The following CACNG2 variants were observed in gnomAD, a reference collection of about 807,000 sequenced individuals.
CACNG2 encodes the protein voltage-dependent calcium channel gamma-2 subunit.
In CACNG2, 3 loss-of-function variants were observed where a neutral mutation model predicts 25.9. The ratio of observed to expected loss-of-function variants is 0.12; its 90% CI spans 0.05 to 0.30. CACNG2 has a LOEUF of 0.30. Among genes scored for constraint, CACNG2 ranks in the 10% least tolerant of loss-of-function variants. The pLI, the probability that CACNG2 is intolerant of heterozygous loss-of-function variation, is 1.00. For synonymous variants in CACNG2, 167 were observed against 173.3 expected (o/e 0.96, Z 0.29); for missense variants, 341 against 432.5 (o/e 0.79, Z 1.88).
intron 1 of CACNG2, among the ~76,000 whole-genome samples, chr22:36,660,493 G>C (rs1182396670): frequency 6.6e-6 from 1 of 152,228 alleles, no homozygotes; most frequent in African/African-American, 2.4e-5. Context: ...AAATCACAAG[G>C]CAACTCCACG....
chr22:36,624,894 G>A (rs1936160979), intron 1 of CACNG2, among the ~76,000 whole-genome samples: 1 of 151,938 alleles, frequency 6.6e-6, no homozygotes, highest in South Asian at 2.1e-4. Flanking sequence ...TGGGTGTGGT[G>A]GCATGTGCCT....
rs1937426113 is a variant in CACNG2, at chr22:36,702,713, T to A, written c.-137A>T. Reference sequence around the variant, plus strand: ...CTAATATAATGGATATATGTATGAATAGAGAATATGGAGAGTTATAAAAAA... The same window carrying A: ...CTAATATAATGGATATATGTATGAAAAGAGAATATGGAGAGTTATAAAAAA... On this transcript the variant is annotated 5_prime_UTR_variant, in exon 1 of 4. Coordinates refer to ENST00000300105, the MANE Select transcript of CACNG2 (RefSeq NM_006078.5). 1 of 672,906 alleles carries A rather than the reference T, an allele frequency of 1.5e-6. No homozygotes were observed. The highest frequency in any genetic ancestry group is 2.6e-6 in the Non-Finnish European group (1 of 381,982). The allele number at this position is 672,906 out of a possible 1,614,324, so 41.7% of individuals were successfully genotyped here.
At chr22:36,590,989 G>A (rs185184560) in intron 1 of CACNG2, among the ~76,000 whole-genome samples, 201 of 152,130 alleles carry the variant, frequency 1.3e-3, no homozygotes, top group Non-Finnish European at 2.6e-3. Context: ...GTGCTACTGG[G>A]GTGTCCTCCA....
In CACNG2 at chr22:36,619,988, G is replaced by A. The variant is rs182874975; in HGVS notation, c.212-32440C>T. On this transcript the variant is annotated intron_variant, in intron 1 of 3. Transcript: ENST00000300105. ...ACTCCAGCACTGAAATGGCACAGCC[G>A]TGCTGGGTTGGAAGGCGCCTCTGCA... Among the ~76,000 whole-genome samples the A allele has an allele frequency of 2.6e-5, 4 of 152,348 alleles. No individual in the cohort carries two copies. The East Asian group carries it at 5.8e-4, about 22-fold the overall frequency.
At chr22:36,607,152 C>T (rs979379887) in intron 1 of CACNG2, among the ~76,000 whole-genome samples, 75 of 152,092 alleles carry the variant, frequency 4.9e-4, no homozygotes, top group African/African-American at 1.7e-3. Context: ...AAGCCATGGG[C>T]CCAGATTCCT....
intron 1 of CACNG2, among the ~76,000 whole-genome samples, chr22:36,642,260 A>C (rs1431699429): frequency 6.6e-6 from 1 of 152,180 alleles, no homozygotes; most frequent in African/African-American, 2.4e-5. Flanking sequence ...CATAGTAAGC[A>C]CTCAATAAAT....
intron 1 of CACNG2, among the ~76,000 whole-genome samples, chr22:36,649,424 T>C (rs368957705): frequency 1.3e-5 from 2 of 151,816 alleles, no homozygotes; most frequent in East Asian, 3.9e-4. Flanking sequence ...CCCGAGTAGC[T>C]GGGATTACAG....
At chr22:36,646,145 T>G (rs7289627) in intron 1 of CACNG2, among the ~76,000 whole-genome samples, 3,577 of 152,332 alleles carry the variant, frequency 0.023, 129 homozygotes, top group African/African-American at 0.08. Context: ...AGCAAGCCTA[T>G]ATCTGGGAAA....
intron 1 of CACNG2, among the ~76,000 whole-genome samples, chr22:36,649,539 G>A (rs932582662): frequency 1.3e-5 from 2 of 152,120 alleles, no homozygotes; most frequent in African/African-American, 2.4e-5. Flanking sequence ...TGATTTGCCC[G>A]CCTCAGCCAG....
chr22:36,628,936 A>C (rs1936226617), intron 1 of CACNG2, among the ~76,000 whole-genome samples: 1 of 152,268 alleles, frequency 6.6e-6, no homozygotes, highest in East Asian at 1.9e-4. Flanking sequence ...CTTTCTAGGC[A>C]CTAGATTGAG....
intron 2 of CACNG2, among the ~76,000 whole-genome samples, chr22:36,578,350 T>C: frequency 1.0e-5 from 1 of 96,730 alleles, no homozygotes; most frequent in Non-Finnish European, 2.0e-5. Context: ...AGAGCGAGAC[T>C]CAATCTCAAA....
intron 1 of CACNG2, among the ~76,000 whole-genome samples, chr22:36,630,043 G>A (rs1324426228): frequency 6.6e-6 from 1 of 152,190 alleles, no homozygotes; most frequent in East Asian, 1.9e-4. Context: ...GAACAGCAAG[G>A]CTTTTAGGCA....
intron 1 of CACNG2, among the ~76,000 whole-genome samples, chr22:36,686,778 C>T (rs934908334): frequency 1.9e-4 from 29 of 152,286 alleles, no homozygotes; most frequent in African/African-American, 6.5e-4. Flanking sequence ...AAGTCCCTTC[C>T]TTTTTGGGCC....
chr22:36,679,227 TTTCC>T lies in CACNG2; in HGVS notation c.211+23135_211+23138del, dbSNP rs200816606. On this transcript the variant is annotated intron_variant, in intron 1 of 3. Coordinates refer to ENST00000300105, the MANE Select transcript of CACNG2 (RefSeq NM_006078.5). ...CTTTCTTTCTTTCTTTCTTTCTTTC[TTTCC>T]TTCTTTCTTTCTTTCTTTTCTTTAA... is the stretch of plus-strand genomic sequence containing the variant. 4.5e-3 allele frequency among the ~76,000 whole-genome samples: 646 copies of T among 143,728 alleles called. 6 individuals carry two copies. Among genetic ancestry groups the T allele is most frequent in the African/African-American group, 0.014 (557 of 38,460 alleles). The allele number at this position is 143,728 out of a possible 152,430, so 94.3% of individuals were successfully genotyped here. A position where few individuals can be genotyped will look rare whatever the true frequency, so the allele number is the denominator to read the frequency against.
At chr22:36,678,444 C>G (rs1282105796) in intron 1 of CACNG2, among the ~76,000 whole-genome samples, 1 of 151,830 alleles carries the variant, frequency 6.6e-6, no homozygotes. Context: ...CCCACTCTCT[C>G]TATTACCTTC....
At chr22:36,627,109 T>C (rs751426852) in intron 1 of CACNG2, among the ~76,000 whole-genome samples, 4 of 152,078 alleles carry the variant, frequency 2.6e-5, no homozygotes, top group East Asian at 1.9e-4. Flanking sequence ...GACAGTAAAC[T>C]AGAGCCAGAT....
At position 36,640,197 on chromosome 22, in the gene CACNG2, C is replaced by T. The variant is rs763726559; in HGVS notation, c.212-52649G>A. Among the ~76,000 whole-genome samples, 3 of 152,120 alleles carry T rather than the reference C, an allele frequency of 2.0e-5. 1 individual carries two copies. The South Asian group carries it at 6.2e-4, about 31-fold the overall frequency. ...TCATGTGTAGAATGGGAATGAAGAT[C>T]GCGGCTCCTTCACAGGGGCGGTTGT... On this transcript the variant is annotated intron_variant, in intron 1 of 3. Transcript: ENST00000300105.
intron 2 of CACNG2, among the ~76,000 whole-genome samples, chr22:36,580,386 C>T (rs1193844777): frequency 6.6e-6 from 1 of 152,152 alleles, no homozygotes; most frequent in Non-Finnish European, 1.5e-5. Flanking sequence ...CAGTGAATCC[C>T]TGGGGAGGTG....
At chr22:36,699,127 T>A (rs1172154085) in intron 1 of CACNG2, among the ~76,000 whole-genome samples, 1 of 152,114 alleles carries the variant, frequency 6.6e-6, no homozygotes, top group Non-Finnish European at 1.5e-5. Flanking sequence ...CTTGAAAAGT[T>A]CATGAACTTC....
Sources: gnomAD v4.1 joint callset for allele counts (sites outside exome capture counted in the v4.1 genomes callset) on GRCh38, gnomAD v4.1.1 for gene constraint, MANE v1.5 for transcripts, NCBI Gene and HGNC (gene_info 2026-07-23, HGNC 2026-07-21) for gene names.